Variants in DPP6 observed in about 807,000 individuals in gnomAD.
DPP6 encodes dipeptidyl peptidase like 6.
A neutral mutation model predicts 122.6 loss-of-function variants in DPP6; 69 were observed. The ratio of observed to expected loss-of-function variants is 0.56; its 90% CI spans 0.46 to 0.69. DPP6 has a LOEUF of 0.69. DPP6 is among the 30% of genes least tolerant of loss of function. The pLI, the probability that DPP6 is intolerant of heterozygous loss-of-function variation, is 0.00. For synonymous variants in DPP6, 418 were observed against 433.1 expected (o/e 0.97, Z 0.43); for missense variants, 928 against 1,116.9 (o/e 0.83, Z 2.41).
intron 7 of DPP6, among the ~76,000 whole-genome samples, chr7:154,716,790 T>C (rs963391252): frequency 6.9e-6 from 1 of 145,288 alleles, no homozygotes; most frequent in Non-Finnish European, 1.5e-5. Flanking sequence ...ATAATTGTAC[T>C]TATTTAATGT....
At chr7:154,650,993 C>G (rs1586811935) in intron 6 of DPP6, among the ~76,000 whole-genome samples, 1 of 152,190 alleles carries the variant, frequency 6.6e-6, no homozygotes, top group South Asian at 2.1e-4. Context: ...CTAACTGATT[C>G]ACCACACCAT....
At chr7:154,859,151 G>T (rs1803094175) in intron 17 of DPP6, among the ~76,000 whole-genome samples, 2 of 152,236 alleles carry the variant, frequency 1.3e-5, no homozygotes, top group African/African-American at 4.8e-5. Flanking sequence ...TGACCACTGA[G>T]CTGCTGGTCA....
intron 1 of DPP6, among the ~76,000 whole-genome samples, chr7:153,994,378 A>G (rs1585147227): frequency 6.6e-6 from 1 of 151,868 alleles, no homozygotes; most frequent in Non-Finnish European, 1.5e-5. Flanking sequence ...GTGATAATGC[A>G]CTAGATTTAA....
rs549243882 is a variant in DPP6 at position 154,060,527 on chromosome 7, T to G, written c.243+7464T>G. 1.5e-3 allele frequency among the ~76,000 whole-genome samples: 200 copies of G among 133,116 alleles called. 19 individuals are homozygous for G. The highest frequency in any genetic ancestry group is 2.5e-3 in the South Asian group (10 of 3,952). The allele number at this position is 133,116 out of a possible 152,430, so 87.3% of individuals were successfully genotyped here. ...GGACCCACCTGGAGGACTGCGGGTG[T>G]TAGGTGTCCAAGTAGAAAGTTCAAA... is the stretch of plus-strand genomic sequence containing the variant. On this transcript the variant is annotated intron_variant, in intron 1 of 25. Transcript: ENST00000377770.
intron 1 of DPP6, among the ~76,000 whole-genome samples, chr7:154,266,123 C>T (rs189088890): frequency 3.9e-5 from 6 of 152,260 alleles, no homozygotes; most frequent in East Asian, 3.9e-4. Context: ...ATACTGTTGT[C>T]GTTTCCTTCT....
chr7:154,136,999 C>G (rs1000331433), intron 1 of DPP6, among the ~76,000 whole-genome samples: 2 of 152,162 alleles, frequency 1.3e-5, no homozygotes, highest in African/African-American at 4.8e-5. Flanking sequence ...CCTGTCTTAC[C>G]ACAGTGTATG....
intron 1 of DPP6, among the ~76,000 whole-genome samples, chr7:153,947,997 C>T (rs1201517195): frequency 2.6e-5 from 4 of 152,162 alleles, no homozygotes; most frequent in Admixed American, 1.3e-4. Context: ...GTCCACATTT[C>T]CCCTTCTCAT....
chr7:154,539,497 G>T (rs1172748311), intron 3 of DPP6, among the ~76,000 whole-genome samples: 1 of 152,088 alleles, frequency 6.6e-6, no homozygotes, highest in African/African-American at 2.4e-5. Flanking sequence ...TGGGGGGCAG[G>T]GGGAGGGATA....
chr7:154,000,989 G>A (rs1360727872), intron 1 of DPP6, among the ~76,000 whole-genome samples: 4 of 152,160 alleles, frequency 2.6e-5, no homozygotes, highest in African/African-American at 9.7e-5. Flanking sequence ...TGACAAGGTG[G>A]GGGCAGTTCT....
chr7:153,870,982 A>T, the DPP6 span, among the ~76,000 whole-genome samples: 1 of 152,188 alleles, frequency 6.6e-6, no homozygotes, highest in Non-Finnish European at 1.5e-5. Context: ...GTGAACCTCA[A>T]ATGCTGCTGC....
intron 1 of DPP6, among the ~76,000 whole-genome samples, chr7:154,414,347 T>C (rs1014689552): frequency 2.6e-5 from 4 of 152,218 alleles, no homozygotes; most frequent in African/African-American, 9.7e-5. Flanking sequence ...GAAACATTCT[T>C]TCAAGATACA....
intron 1 of DPP6, among the ~76,000 whole-genome samples, chr7:154,440,622 G>T (rs1178896107): frequency 6.6e-6 from 1 of 152,156 alleles, no homozygotes; most frequent in East Asian, 1.9e-4. Flanking sequence ...CGTAGAAAAG[G>T]CCACTTTCCA....
intron 1 of DPP6, among the ~76,000 whole-genome samples, chr7:153,923,925 A>G (rs1395115847): frequency 2.0e-5 from 3 of 152,112 alleles, no homozygotes; most frequent in Non-Finnish European, 1.5e-5. Flanking sequence ...ATACTAGAAA[A>G]TAAATACTAA....
Position 154,739,074 on chromosome 7 carries a change from G to A in DPP6, c.883+11187G>A, listed in dbSNP as rs188858812. On this transcript the variant is annotated intron_variant, in intron 8 of 25. Coordinates refer to ENST00000377770, the MANE Select transcript of DPP6 (RefSeq NM_130797.4). ...GCATCGCAGCCACACTAGTGGAAAG[G>A]GGAGTGTTCCGGAGGGACACAAGCT... Among the ~76,000 whole-genome samples, 424 of 152,304 alleles carry A rather than the reference G, an allele frequency of 2.8e-3. 3 individuals carry two copies. Among genetic ancestry groups the A allele is most frequent in the African/African-American group, 9.3e-3 (386 of 41,550 alleles).
chr7:153,851,197 A>G, the DPP6 span, among the ~76,000 whole-genome samples: 3 of 152,144 alleles, frequency 2.0e-5, no homozygotes, highest in Admixed American at 1.3e-4. Context: ...CCCTTTGACT[A>G]TTTGGTATTT....
intron 1 of DPP6, among the ~76,000 whole-genome samples, chr7:154,370,617 G>A (rs534449268): frequency 9.8e-5 from 15 of 152,306 alleles, no homozygotes; most frequent in African/African-American, 3.4e-4. Context: ...TTCAGCAACT[G>A]TTTAGTTTAA....
intron 1 of DPP6, among the ~76,000 whole-genome samples, chr7:153,923,475 A>G (rs1467842123): frequency 6.6e-6 from 1 of 152,174 alleles, no homozygotes; most frequent in Non-Finnish European, 1.5e-5. Context: ...AGGTTCCTTC[A>G]TCTTGGCCCG....
chr7:154,822,982 A>G (rs1267393132), intron 16 of DPP6, among the ~76,000 whole-genome samples: 1 of 152,192 alleles, frequency 6.6e-6, no homozygotes, highest in African/African-American at 2.4e-5. Flanking sequence ...TTTTAAATGG[A>G]TGAATAAAAG....
intron 7 of DPP6, among the ~76,000 whole-genome samples, chr7:154,710,200 C>T (rs1041454559): frequency 9.8e-5 from 15 of 152,330 alleles, no homozygotes; most frequent in Non-Finnish European, 2.1e-4. Flanking sequence ...CTCTCAGGAG[C>T]CAGGGGCATG....
Sources: gnomAD v4.1 joint callset for allele counts (sites outside exome capture counted in the v4.1 genomes callset) on GRCh38, gnomAD v4.1.1 for gene constraint, MANE v1.5 for transcripts, NCBI Gene and HGNC (gene_info 2026-07-23, HGNC 2026-07-21) for gene names.